Variants in RBFOX3 observed in about 807,000 individuals in gnomAD.
RBFOX3 encodes RNA binding fox-1 homolog 3.
Under a neutral mutation model 48.7 loss-of-function variants are expected in RBFOX3, and 17 were observed. The ratio of observed to expected loss-of-function variants is 0.35; its 90% CI spans 0.24 to 0.52. RBFOX3 has a LOEUF of 0.52. RBFOX3 is among the 20% of genes least tolerant of loss of function. The pLI is 0.94. For synonymous variants in RBFOX3, 212 were observed against 209.5 expected (o/e 1.01, Z -0.10); for missense variants, 382 against 497.5 (o/e 0.77, Z 2.21).
chr17:79,613,277 T>C (rs1486968390), upstream of RBFOX3, among the ~76,000 whole-genome samples: 1 of 152,196 alleles, frequency 6.6e-6, no homozygotes, highest in Non-Finnish European at 1.5e-5. Context: ...AATTGGCCTC[T>C]GTGGTTGGGA....
At chr17:79,518,743 G>A (rs1032489294) in intron 1 of RBFOX3, among the ~76,000 whole-genome samples, 20 of 152,360 alleles carry the variant, frequency 1.3e-4, no homozygotes, top group Middle Eastern at 3.4e-3. Flanking sequence ...GAAGCAACAC[G>A]GTGCAGAGTA....
chr17:79,158,771 G>A (rs746774381), intron 4 of RBFOX3, among the ~76,000 whole-genome samples: 1 of 152,184 alleles, frequency 6.6e-6, no homozygotes, highest in Non-Finnish European at 1.5e-5. Flanking sequence ...CCCAGCTGCA[G>A]GTACAGCCCC....
chr17:79,383,126 T>C (rs1456992314), intron 2 of RBFOX3, among the ~76,000 whole-genome samples: 4 of 152,086 alleles, frequency 2.6e-5, no homozygotes, highest in Admixed American at 1.3e-4. Context: ...GTCCAGTATC[T>C]GATTATTGTC....
At chr17:79,398,125 G>C (rs2062274851) in intron 2 of RBFOX3, among the ~76,000 whole-genome samples, 1 of 152,114 alleles carries the variant, frequency 6.6e-6, no homozygotes, top group Admixed American at 6.5e-5. Flanking sequence ...GCAGCAATTA[G>C]AGCCCAATCT....
intron 4 of RBFOX3, among the ~76,000 whole-genome samples, chr17:79,144,971 G>A (rs2042721364): frequency 6.6e-6 from 1 of 152,244 alleles, no homozygotes; most frequent in Admixed American, 6.5e-5. Flanking sequence ...CCCACACGCT[G>A]GTTCCCACCT....
chr17:79,172,289 A>T (rs1280202565), intron 4 of RBFOX3, among the ~76,000 whole-genome samples: 2 of 152,224 alleles, frequency 1.3e-5, no homozygotes, highest in East Asian at 3.8e-4. Context: ...TGGGCATTTC[A>T]ACACAAAAAG....
chr17:79,265,179 C>T (rs2066486386), intron 3 of RBFOX3, among the ~76,000 whole-genome samples: 1 of 152,208 alleles, frequency 6.6e-6, no homozygotes, highest in Admixed American at 6.5e-5. Context: ...AAGAACAAAA[C>T]CCTCTCACCA....
At chr17:79,096,929 T>C in intron 11 of RBFOX3, 96 bp from the exon 12 acceptor site, 1 of 608,402 alleles carries the variant, frequency 1.6e-6, no homozygotes, top group South Asian at 2.0e-5. Flanking sequence ...CAGGCAGCTG[T>C]GCCCCCCACC....
At chr17:79,408,154 G>T (rs1373534879) in intron 2 of RBFOX3, among the ~76,000 whole-genome samples, 2 of 152,144 alleles carry the variant, frequency 1.3e-5, no homozygotes, top group African/African-American at 4.8e-5. Flanking sequence ...TCGCCTCCTG[G>T]GGTCACTGTG....
rs922178747 is a variant in RBFOX3, at chr17:79,205,052, G to A, written c.-34+30714C>T. Among the ~76,000 whole-genome samples the A allele has an allele frequency of 1.3e-5, 2 of 152,160 alleles. No homozygotes were observed. The highest frequency in any genetic ancestry group is 2.9e-5 in the Non-Finnish European group (2 of 68,032). On this transcript the variant is annotated intron_variant, in intron 4 of 14. Coordinates refer to ENST00000693108, the MANE Select transcript of RBFOX3 (RefSeq NM_001350451.2). This position sits in a 1 kb window ranked among gnomAD's most constrained non-coding sequence, Gnocchi z 4.5. ...AACTGCAGTACCATATCCAGTTCCA[G>A]GTCTAAGGCAGTTCTCCAGTCAGAG...
chr17:79,360,826 C>CTTTT (rs71365558), intron 2 of RBFOX3, among the ~76,000 whole-genome samples: 8 of 145,708 alleles, frequency 5.5e-5, no homozygotes, highest in African/African-American at 2.0e-4. Context: ...GATCAAATTC[C>CTTTT]TTTTTTTTTT....
At chr17:79,354,636 C>T (rs1162608690) in intron 2 of RBFOX3, among the ~76,000 whole-genome samples, 1 of 152,250 alleles carries the variant, frequency 6.6e-6, no homozygotes, top group Non-Finnish European at 1.5e-5. Flanking sequence ...GTGGAACAGA[C>T]TGCGCGTTCA....
At chr17:79,279,827 G>A (rs1430183775) in intron 3 of RBFOX3, among the ~76,000 whole-genome samples, 1 of 152,148 alleles carries the variant, frequency 6.6e-6, no homozygotes, top group African/African-American at 2.4e-5. Flanking sequence ...GTTAGTGTTT[G>A]TCACTGAGAG....
intron 2 of RBFOX3, among the ~76,000 whole-genome samples, chr17:79,341,143 A>G (rs7210539): frequency 0.86 from 130,647 of 152,284 alleles, 56,194 homozygotes; most frequent in Non-Finnish European, 0.9. Context: ...GAAGGCAGAC[A>G]TGCACGTATG....
At position 79,361,517 on chromosome 17, in the gene RBFOX3, C is replaced by T. The variant is rs966914929; in HGVS notation, c.-174-53693G>A. On this transcript the variant is annotated intron_variant, in intron 2 of 14. Transcript: ENST00000693108. The surrounding 1 kb of genome is among the most constrained non-coding windows in gnomAD (Gnocchi z 4.5). ...GGCCACCACCTCCTGCCCCTGAGCC[C>T]GCGTGGCTCTCTGTGCCACAGCTGG... Among the ~76,000 whole-genome samples, 2 of 152,198 alleles carry T rather than the reference C, an allele frequency of 1.3e-5. No individual in the cohort carries two copies. Among genetic ancestry groups the T allele is most frequent in the African/African-American group, 2.4e-5 (1 of 41,448 alleles).
chr17:79,537,117 C>CAAA (rs76938800), intron 1 of RBFOX3, among the ~76,000 whole-genome samples: 3 of 127,662 alleles, frequency 2.3e-5, no homozygotes, highest in Non-Finnish European at 5.0e-5. Flanking sequence ...AAACAAAAAA[C>CAAA]AAAAAAAAAA....
At chr17:79,620,755 A>G in the RBFOX3 span, among the ~76,000 whole-genome samples, 2 of 152,020 alleles carry the variant, frequency 1.3e-5, no homozygotes, top group Non-Finnish European at 2.9e-5. Context: ...CCCTCCTGGA[A>G]CCCCACATGA....
chr17:79,344,819 G>A (rs2082639070), intron 2 of RBFOX3, among the ~76,000 whole-genome samples: 2 of 152,226 alleles, frequency 1.3e-5, no homozygotes, highest in Admixed American at 6.5e-5. Flanking sequence ...GCCTCCCAAA[G>A]TGCTGGGATT....
the RBFOX3 span, among the ~76,000 whole-genome samples, chr17:79,628,055 A>G: frequency 4.0e-5 from 6 of 151,758 alleles, no homozygotes; most frequent in African/African-American, 1.2e-4. Flanking sequence ...TCCTCACAGC[A>G]TCCCAGGCCT....
Sources: allele counts gnomAD v4.1 joint callset (sites outside exome capture counted in the v4.1 genomes callset), GRCh38; gene constraint gnomAD v4.1.1; non-coding constraint Gnocchi (gnomAD v3.1); transcripts MANE v1.5; gene names NCBI Gene and HGNC (gene_info 2026-07-23, HGNC 2026-07-21).